The following SLC4A4 variants were observed in gnomAD, a reference collection of about 807,000 sequenced individuals.
SLC4A4 encodes the protein electrogenic sodium bicarbonate cotransporter 1.
SLC4A4 carries 27 observed loss-of-function variants against 111.5 expected under a neutral mutation model. The ratio of observed to expected loss-of-function variants is 0.24; its 90% CI spans 0.18 to 0.33. SLC4A4 has a LOEUF of 0.33. Ranked by LOEUF, SLC4A4 falls within the 10% of genes least tolerant of loss-of-function variation. The pLI, the probability that SLC4A4 is intolerant of heterozygous loss-of-function variation, is 1.00. For synonymous variants in SLC4A4, 443 were observed against 463.4 expected (o/e 0.96, Z 0.57); for missense variants, 909 against 1,315.5 (o/e 0.69, Z 4.78).
rs1379904460 is a variant in SLC4A4, at chr4:71,138,511, A to ACAT, written c.-2+45721_-2+45723dup. Reference sequence around the variant, plus strand: ...CTTTTAGGGAAATTCGTGCACTGTTACATCTCACTCGGTTCATATTATCTT... The same window carrying ACAT: ...CTTTTAGGGAAATTCGTGCACTGTTACATCATCTCACTCGGTTCATATTATCTT... On this transcript the variant is annotated intron_variant, in intron 2 of 26. Transcript: ENST00000649996. 2.6e-5 allele frequency among the ~76,000 whole-genome samples: 4 copies of ACAT among 152,188 alleles called. No individual in the cohort carries two copies. The East Asian group carries it at 7.7e-4, about 29-fold the overall frequency.
chr4:71,107,903 G>A (rs934742170), intron 2 of SLC4A4, among the ~76,000 whole-genome samples: 4 of 151,904 alleles, frequency 2.6e-5, no homozygotes, highest in Non-Finnish European at 4.4e-5. Flanking sequence ...GGTCTCACTC[G>A]GTTGTCTAAG....
intron 1 of SLC4A4, among the ~76,000 whole-genome samples, chr4:71,216,882 A>G (rs1204333576): frequency 1.3e-5 from 2 of 152,196 alleles, no homozygotes; most frequent in African/African-American, 2.4e-5. Flanking sequence ...TACCTGCTCT[A>G]TGCTAAGTAT....
chr4:71,339,317 T>C, intron 3 of SLC4A4, 53 bp from the exon 4 acceptor site: 2 of 1,614,160 alleles, frequency 1.2e-6, no homozygotes, highest in Non-Finnish European at 1.7e-6. Context: ...GGAGCTCCAC[T>C]TTCCTCAGGG....
At chr4:71,144,275 C>T (rs1175016736) in intron 2 of SLC4A4, among the ~76,000 whole-genome samples, 1 of 152,140 alleles carries the variant, frequency 6.6e-6, no homozygotes, top group Non-Finnish European at 1.5e-5. Context: ...GGCATTATTT[C>T]TGAGGGCTCT....
At chr4:71,132,215 T>C (rs1743723824) in intron 2 of SLC4A4, among the ~76,000 whole-genome samples, 1 of 152,170 alleles carries the variant, frequency 6.6e-6, no homozygotes, top group African/African-American at 2.4e-5. Context: ...AGATTCAGCT[T>C]GTTTTTCTTG....
chr4:71,428,456 G>A (rs1174803006), intron 7 of SLC4A4, among the ~76,000 whole-genome samples: 1 of 152,046 alleles, frequency 6.6e-6, no homozygotes, highest in African/African-American at 2.4e-5. Context: ...AACTGGGACT[G>A]TTATGGGCCA....
chr4:71,546,985 G>A (rs983894532), intron 19 of SLC4A4, among the ~76,000 whole-genome samples: 2 of 151,932 alleles, frequency 1.3e-5, no homozygotes, highest in Non-Finnish European at 2.9e-5. Context: ...TAGCTGTGAA[G>A]GGCAGGAGTA....
chr4:71,364,825 G>C (rs932067885), intron 6 of SLC4A4, among the ~76,000 whole-genome samples: 3 of 152,192 alleles, frequency 2.0e-5, no homozygotes, highest in African/African-American at 7.2e-5. Context: ...CTTTAAAATT[G>C]AGGACAGAAC....
chr4:71,135,709 C>A (rs1019971750), intron 2 of SLC4A4, among the ~76,000 whole-genome samples: 1 of 152,064 alleles, frequency 6.6e-6, no homozygotes, highest in African/African-American at 2.4e-5. Context: ...AATTTTGTAC[C>A]CTTTGACTGA....
At chr4:71,178,852 T>C (rs1291309098) in intron 2 of SLC4A4, among the ~76,000 whole-genome samples, 1 of 152,216 alleles carries the variant, frequency 6.6e-6, no homozygotes, top group African/African-American at 2.4e-5. Context: ...TAACTCATTT[T>C]ATGAGGCCAG....
At chr4:71,429,358 C>A (rs559764999) in intron 7 of SLC4A4, among the ~76,000 whole-genome samples, 3 of 152,066 alleles carry the variant, frequency 2.0e-5, no homozygotes, top group African/African-American at 7.2e-5. Flanking sequence ...TAAGCGACCT[C>A]TTATGCTAAT....
chr4:71,453,084 A>T (rs1170712511), intron 11 of SLC4A4, among the ~76,000 whole-genome samples: 1 of 152,152 alleles, frequency 6.6e-6, no homozygotes, highest in South Asian at 2.1e-4. Flanking sequence ...TTTATTGAAG[A>T]TGAAAGAATG....
chr4:71,151,563 T>C (rs1744312157), intron 2 of SLC4A4, among the ~76,000 whole-genome samples: 1 of 152,060 alleles, frequency 6.6e-6, no homozygotes, highest in East Asian at 1.9e-4. Flanking sequence ...TTTATTCTTT[T>C]TCATCAACTT....
chr4:71,496,156 T>C (rs1361665829), intron 15 of SLC4A4, among the ~76,000 whole-genome samples: 2 of 152,120 alleles, frequency 1.3e-5, no homozygotes, highest in Non-Finnish European at 2.9e-5. Context: ...GACTATTGAA[T>C]ACTAAGGGTG....
In SLC4A4 at chr4:71,529,880, A is replaced by G. The variant is rs556872210; in HGVS notation, c.2167-2182A>G. Among the ~76,000 whole-genome samples, 10 of 152,264 alleles carry G rather than the reference A, an allele frequency of 6.6e-5. No individual in the cohort carries two copies. In the South Asian group the frequency reaches 1.9e-3, roughly 28 times the overall value. On this transcript the variant is annotated intron_variant, in intron 16 of 25. Transcript: ENST00000264485. ...AACTAACTTCCATTTTGCCTTTGCAATGACCTCTGGTCCTCCAGTGATTTA... is the reference window on the plus strand; with the variant it reads ...AACTAACTTCCATTTTGCCTTTGCAGTGACCTCTGGTCCTCCAGTGATTTA...
intron 2 of SLC4A4, among the ~76,000 whole-genome samples, chr4:71,135,697 G>T (rs545529944): frequency 2.6e-5 from 4 of 152,178 alleles, no homozygotes; most frequent in Admixed American, 2.0e-4. Flanking sequence ...TCTCCTAACT[G>T]AAATTTTGTA....
intron 16 of SLC4A4, among the ~76,000 whole-genome samples, chr4:71,519,809 T>C (rs1276374020): frequency 6.6e-6 from 1 of 151,974 alleles, no homozygotes; most frequent in East Asian, 1.9e-4. Context: ...ATATTTTGTA[T>C]TTTTTTGTTG....
intron 2 of SLC4A4, among the ~76,000 whole-genome samples, chr4:71,129,257 C>T (rs901565782): frequency 8.5e-5 from 13 of 152,058 alleles, no homozygotes; most frequent in Admixed American, 6.5e-5. Context: ...GGAACTTAAA[C>T]AAGCTGACAA....
chr4:71,157,025 G>A (rs1744496254), intron 2 of SLC4A4, among the ~76,000 whole-genome samples: 1 of 152,134 alleles, frequency 6.6e-6, no homozygotes, highest in South Asian at 2.1e-4. Flanking sequence ...CCCAGCATTT[G>A]TCTAAATAGC....
Sources: gnomAD v4.1 joint callset for allele counts (sites outside exome capture counted in the v4.1 genomes callset) on GRCh38, gnomAD v4.1.1 for gene constraint, MANE v1.5 for transcripts, NCBI Gene and HGNC (gene_info 2026-07-23, HGNC 2026-07-21) for gene names.